Variants in NECTIN3 observed in about 807,000 individuals in gnomAD.
The protein encoded by NECTIN3 is nectin-3.
NECTIN3 carries 8 observed loss-of-function variants against 49.4 expected under a neutral mutation model. The observed-to-expected ratio is 0.16, with a 90% confidence interval of 0.10 to 0.29. NECTIN3 has a LOEUF of 0.29. Among genes scored for constraint, NECTIN3 ranks in the 10% least tolerant of loss-of-function variants. The pLI is 1.00. For missense variants in NECTIN3, 581 were observed against 654.6 expected, an observed-to-expected ratio of 0.89 and a Z score of 1.23; for synonymous variants, 277 against 241.1, an observed-to-expected ratio of 1.15 and a Z score of -1.38.
rs371155317 is a variant in NECTIN3 at position 111,080,068 on chromosome 3, A to G, written c.160+7891A>G. ...AGACCCTACAGTTGACTGATTTTGA[A>G]TAACAAAAAGGCATATCAAGTTTAT... On this transcript the variant is annotated intron_variant, in intron 1 of 5. Transcript: ENST00000485303. Among the ~76,000 whole-genome samples, 28 of 152,250 alleles carry G rather than the reference A, an allele frequency of 1.8e-4. No homozygotes were observed. In the East Asian group the frequency reaches 2.3e-3, roughly 13 times the overall value.
chr3:111,085,269 A>G lies in NECTIN3; in HGVS notation c.160+13092A>G, dbSNP rs184720292. ...GGCTTCAACACACAATTCAGCCTGT[A>G]ATACAGGGATGATGATTTTTGTTTT... On this transcript the variant is annotated intron_variant, in intron 1 of 5. Coordinates refer to ENST00000485303, the MANE Select transcript of NECTIN3 (RefSeq NM_015480.3). 3.1e-4 allele frequency among the ~76,000 whole-genome samples: 47 copies of G among 152,334 alleles called. 1 individual carries two copies. The East Asian group carries it at 5.2e-3, about 17-fold the overall frequency.
chr3:111,130,072 T>G (rs1476670604), intron 5 of NECTIN3, among the ~76,000 whole-genome samples: 1 of 151,170 alleles, frequency 6.6e-6, no homozygotes, highest in African/African-American at 2.4e-5. Context: ...CTCTCCTGCC[T>G]CAGCCTCCCA....
At chr3:111,166,915 AGGT>A in intron 7 of NECTIN3, among the ~76,000 whole-genome samples, 1 of 151,632 alleles carries the variant, frequency 6.6e-6, no homozygotes, top group African/African-American at 2.4e-5. Context: ...TAATAAAGAT[AGGT>A]AGGTAGGTAG....
At chr3:111,151,245 T>C (rs940166655) in intron 7 of NECTIN3, among the ~76,000 whole-genome samples, 1 of 151,960 alleles carries the variant, frequency 6.6e-6, no homozygotes. Flanking sequence ...CATTACCTTA[T>C]GTATTCCGAT....
intron 7 of NECTIN3, chr3:111,147,519 G>C: frequency 7.0e-7 from 1 of 1,423,128 alleles, no homozygotes; most frequent in Non-Finnish European, 9.5e-7. Flanking sequence ...GATAATGTAA[G>C]ATACAATTTA....
At chr3:111,180,245 TCTCAA>T (rs1471448131) in intron 7 of NECTIN3, among the ~76,000 whole-genome samples, 1 of 152,190 alleles carries the variant, frequency 6.6e-6, no homozygotes, top group African/African-American at 2.4e-5. Context: ...CCAATTTATG[TCTCAA>T]CAAAATTATA....
chr3:111,188,174 T>A (rs2035754800), upstream of NECTIN3, among the ~76,000 whole-genome samples: 1 of 152,224 alleles, frequency 6.6e-6, no homozygotes, highest in African/African-American at 2.4e-5. Context: ...AGAAAGAGCA[T>A]GTACTCATCT....
chr3:111,135,755 A>C lies in NECTIN3; in HGVS notation c.*1540A>C. On this transcript the variant is annotated 3_prime_UTR_variant, in exon 6 of 6. Transcript: ENST00000485303. ...TAAAACATTTAGGGGGCAAAATTCT[A>C]ACATGTTCATGGTATCTTGCAAATA... 4.2e-6 allele frequency: 4 copies of C among 961,378 alleles called. No homozygotes were observed. Among genetic ancestry groups the C allele is most frequent in the Non-Finnish European group, 3.7e-6 (3 of 808,314 alleles). The allele number at this position is 961,378 out of a possible 1,614,324, so 59.6% of individuals were successfully genotyped here. A position where few individuals can be genotyped will look rare whatever the true frequency, so the allele number is the denominator to read the frequency against.
At position 111,146,173 on chromosome 3, in the gene NECTIN3, G is replaced by A. The variant is rs559219679; in HGVS notation, c.1139+1136G>A. Among the ~76,000 whole-genome samples the A allele has an allele frequency of 1.4e-4, 22 of 152,232 alleles. No homozygotes were observed. In the South Asian group the frequency reaches 3.3e-3, roughly 23 times the overall value. ...CTAGCGGCCGAGCGCGGTGGCTCAC[G>A]CCTGTAATCCCAGCACTTTGGGAGG... On this transcript the variant is annotated intron_variant, in intron 6 of 8. Coordinates refer to the NECTIN3 transcript ENST00000493615.
chr3:111,106,200 C>T (rs931026170), intron 1 of NECTIN3, among the ~76,000 whole-genome samples: 2 of 152,128 alleles, frequency 1.3e-5, no homozygotes, highest in Non-Finnish European at 2.9e-5. Context: ...TGCTAATTGT[C>T]TGTTTCCTCA....
intron 7 of NECTIN3, among the ~76,000 whole-genome samples, chr3:111,165,425 A>C (rs1289864701): frequency 1.3e-5 from 2 of 152,178 alleles, no homozygotes. Flanking sequence ...AGTTGTTCAC[A>C]TGACATGTTA....
intron 7 of NECTIN3, among the ~76,000 whole-genome samples, chr3:111,185,385 C>G (rs2035701770): frequency 6.6e-6 from 1 of 152,042 alleles, no homozygotes; most frequent in East Asian, 1.9e-4. Flanking sequence ...GGATCCCAGT[C>G]CTATACAACA....
At chr3:111,118,606 A>C in intron 2 of NECTIN3, 50 bp from the exon 3 acceptor site, 1 of 1,428,100 alleles carries the variant, frequency 7.0e-7, no homozygotes, top group Non-Finnish European at 9.4e-7. Flanking sequence ...GAAAGATATA[A>C]ACATATTCTT....
intron 1 of NECTIN3, chr3:111,193,271 G>A (rs1024537532): frequency 1.3e-6 from 2 of 1,535,604 alleles, no homozygotes; most frequent in African/African-American, 2.7e-5. Flanking sequence ...TTCAGCAGAT[G>A]TACCCCCTTT....
intron 7 of NECTIN3, among the ~76,000 whole-genome samples, chr3:111,157,234 C>G (rs1316819778): frequency 6.6e-6 from 1 of 152,110 alleles, no homozygotes; most frequent in African/African-American, 2.4e-5. Flanking sequence ...CTGTTAAAAT[C>G]ATTTTCGTAT....
chr3:111,095,786 T>G (rs2032550196), intron 1 of NECTIN3, among the ~76,000 whole-genome samples: 1 of 152,218 alleles, frequency 6.6e-6, no homozygotes, highest in Non-Finnish European at 1.5e-5. Flanking sequence ...GCCATCCATG[T>G]AAGATGTGAC....
chr3:111,184,541 C>T (rs1272000304), intron 7 of NECTIN3, among the ~76,000 whole-genome samples: 1 of 152,158 alleles, frequency 6.6e-6, no homozygotes, highest in Non-Finnish European at 1.5e-5. Flanking sequence ...ATTGAACTTC[C>T]CAGCCTTCAT....
exon 6 of NECTIN3, chr3:111,144,949 G>A (rs2034837815): frequency 6.5e-7 from 1 of 1,536,144 alleles, no homozygotes; most frequent in African/African-American, 1.4e-5. Flanking sequence ...AGCGGTAATT[G>A]GAGCTGTTCT....
At chr3:111,086,344 T>C (rs71315860) in intron 1 of NECTIN3, among the ~76,000 whole-genome samples, 2 of 152,170 alleles carry the variant, frequency 1.3e-5, no homozygotes, top group African/African-American at 2.4e-5. Flanking sequence ...TGTGTTTTTG[T>C]TTAGGAAATC....
Sources: gnomAD v4.1 joint callset for allele counts (sites outside exome capture counted in the v4.1 genomes callset) on GRCh38, gnomAD v4.1.1 for gene constraint, MANE v1.5 for transcripts, NCBI Gene and HGNC (gene_info 2026-07-23, HGNC 2026-07-21) for gene names.